Variants in ZC3HAV1 observed in about 807,000 individuals in gnomAD.
The protein encoded by ZC3HAV1 is zinc finger CCCH-type antiviral protein 1.
Under a neutral mutation model 86.6 loss-of-function variants are expected in ZC3HAV1, and 41 were observed. The ratio of observed to expected loss-of-function variants is 0.47; its 90% CI spans 0.37 to 0.61. The LOEUF is 0.61. ZC3HAV1 is among the 20% of genes least tolerant of loss of function. ZC3HAV1 has a pLI of 0.00. For synonymous variants in ZC3HAV1, 421 were observed against 432.1 expected (o/e 0.97, Z 0.32); for missense variants, 964 against 1,141.1 (o/e 0.84, Z 2.24).
intron 1 of ZC3HAV1, among the ~76,000 whole-genome samples, chr7:139,096,571 T>C (rs762506251): frequency 9.2e-5 from 14 of 152,234 alleles, no homozygotes; most frequent in Non-Finnish European, 2.1e-4. Flanking sequence ...TTTATTGACT[T>C]GGTACCTAGG....
chr7:139,053,915 C>A (rs1012436953), intron 11 of ZC3HAV1, 50 bp downstream of exon 11: 1 of 1,561,138 alleles, frequency 6.4e-7, no homozygotes, highest in South Asian at 1.2e-5. Context: ...CGGATATTAA[C>A]TAATCCTTTC....
intron 1 of ZC3HAV1, among the ~76,000 whole-genome samples, chr7:139,090,555 C>G (rs988003414): frequency 2.0e-5 from 3 of 152,100 alleles, no homozygotes; most frequent in Non-Finnish European, 4.4e-5. Flanking sequence ...AAATATCTCT[C>G]CATTTATTCT....
Position 139,087,731 on chromosome 7 carries a change from T to C in ZC3HAV1, c.444+1893A>G, listed in dbSNP as rs568319724. 2.6e-5 allele frequency among the ~76,000 whole-genome samples: 4 copies of C among 152,136 alleles called. No individual in the cohort carries two copies. The East Asian group carries it at 7.7e-4, about 29-fold the overall frequency. Reference sequence around the variant, plus strand: ...AGTCCCCAACAGCTATCTCATTGTGTATAAAAGTGCATCTGAGCTGGGTGC... The same window carrying C: ...AGTCCCCAACAGCTATCTCATTGTGCATAAAAGTGCATCTGAGCTGGGTGC... On this transcript the variant is annotated intron_variant, in intron 2 of 12. Coordinates refer to ENST00000242351, the MANE Select transcript of ZC3HAV1 (RefSeq NM_020119.4).
At chr7:139,086,711 C>G (rs545868409) in intron 2 of ZC3HAV1, among the ~76,000 whole-genome samples, 5 of 152,252 alleles carry the variant, frequency 3.3e-5, no homozygotes, top group Admixed American at 2.0e-4. Flanking sequence ...TGGTAGGAGG[C>G]AATTGAATCA....
chr7:139,070,532 C>T (rs760355718), intron 7 of ZC3HAV1, among the ~76,000 whole-genome samples: 8 of 151,378 alleles, frequency 5.3e-5, no homozygotes, highest in Admixed American at 1.3e-4. Flanking sequence ...GGCGCGGTGG[C>T]GGGCGCCTGT....
At chr7:139,088,000 A>G (rs1680285466) in intron 2 of ZC3HAV1, among the ~76,000 whole-genome samples, 1 of 144,734 alleles carries the variant, frequency 6.9e-6, no homozygotes, top group Non-Finnish European at 1.5e-5. Flanking sequence ...TCATTGCACT[A>G]CAGCCCGGGT....
intron 7 of ZC3HAV1, among the ~76,000 whole-genome samples, chr7:139,068,517 A>G (rs962867029): frequency 6.6e-6 from 1 of 152,250 alleles, no homozygotes; most frequent in African/African-American, 2.4e-5. Flanking sequence ...TAGCCAAGCT[A>G]TGTGTGGCTA....
chr7:139,060,886 T>C, intron 9 of ZC3HAV1, 150 bp downstream of exon 9: 1 of 1,563,988 alleles, frequency 6.4e-7, no homozygotes, highest in African/African-American at 1.4e-5. Flanking sequence ...AACAAGCATC[T>C]TACTCATCGA....
chr7:139,076,477 C>T lies in ZC3HAV1; in HGVS notation c.1574-68G>A, dbSNP rs140152895. 24 of 1,593,338 alleles carry T rather than the reference C, an allele frequency of 1.5e-5. No homozygotes were observed. In the African/African-American group the frequency reaches 2.0e-4, roughly 13 times the overall value. ...ATTCTAACCAATTCAGTCAAGTTCA[C>T]TGCCAGCTTTCCCCATCCATGCCTG... On this transcript the variant is annotated intron_variant, in intron 5 of 12. Transcript: ENST00000242351.
intron 3 of ZC3HAV1, among the ~76,000 whole-genome samples, chr7:139,082,554 T>C (rs928726615): frequency 6.6e-6 from 1 of 152,178 alleles, no homozygotes; most frequent in African/African-American, 2.4e-5. Flanking sequence ...ACACCATGTT[T>C]ACAGCAGCAT....
intron 2 of ZC3HAV1, among the ~76,000 whole-genome samples, chr7:139,088,637 G>A (rs753290053): frequency 2.4e-4 from 37 of 152,226 alleles, no homozygotes; most frequent in African/African-American, 8.7e-4. Context: ...CTACCCCCCT[G>A]TCCATATGCA....
intron 12 of ZC3HAV1, among the ~76,000 whole-genome samples, chr7:139,049,142 T>TTTG (rs1554439108): frequency 8.6e-5 from 9 of 104,922 alleles, no homozygotes; most frequent in South Asian, 3.6e-4. Context: ...TTTTTTTTTT[T>TTTG]TCGTTGTTGT....
At chr7:139,103,274 T>C (rs1383786450) in intron 1 of ZC3HAV1, among the ~76,000 whole-genome samples, 1 of 147,994 alleles carries the variant, frequency 6.8e-6, no homozygotes, top group Non-Finnish European at 1.5e-5. Context: ...TATTTTTTTA[T>C]TTTTTTTTTA....
chr7:139,054,469 T>C (rs960288828), intron 10 of ZC3HAV1, among the ~76,000 whole-genome samples: 1 of 152,138 alleles, frequency 6.6e-6, no homozygotes. Flanking sequence ...CTAAGCAATC[T>C]AGGAATAGTT....
intron 9 of ZC3HAV1, among the ~76,000 whole-genome samples, chr7:139,058,656 G>C (rs975114771): frequency 9.2e-5 from 14 of 152,174 alleles, no homozygotes; most frequent in African/African-American, 2.9e-4. Flanking sequence ...GAATGTTATA[G>C]TATGGGAAAG....
chr7:139,063,914 C>T (rs1335508160), intron 8 of ZC3HAV1, among the ~76,000 whole-genome samples: 1 of 152,110 alleles, frequency 6.6e-6, no homozygotes, highest in African/African-American at 2.4e-5. Context: ...ACTATAGGTA[C>T]TGGTTTTGGT....
At chr7:139,062,043 A>G (rs1170730773) in intron 8 of ZC3HAV1, among the ~76,000 whole-genome samples, 2 of 152,242 alleles carry the variant, frequency 1.3e-5, no homozygotes, top group Non-Finnish European at 2.9e-5. Flanking sequence ...AAAGCAAATC[A>G]GCAATAGCCT....
intron 1 of ZC3HAV1, among the ~76,000 whole-genome samples, chr7:139,102,094 A>G (rs1584875621): frequency 6.6e-6 from 1 of 152,164 alleles, no homozygotes; most frequent in African/African-American, 2.4e-5. Context: ...AAATGTTCAA[A>G]GCATAATGGT....
At chr7:139,090,371 T>C (rs1361649219) in intron 1 of ZC3HAV1, among the ~76,000 whole-genome samples, 2 of 152,144 alleles carry the variant, frequency 1.3e-5, no homozygotes, top group Non-Finnish European at 2.9e-5. Flanking sequence ...ATTACAGATG[T>C]GAACCACCAC....
Sources: allele counts gnomAD v4.1 joint callset (sites outside exome capture counted in the v4.1 genomes callset), GRCh38; gene constraint gnomAD v4.1.1; transcripts MANE v1.5; gene names NCBI Gene and HGNC (gene_info 2026-07-23, HGNC 2026-07-21).